The following PPP2R2B variants were observed in gnomAD, a reference collection of about 807,000 sequenced individuals.
PPP2R2B encodes the protein protein phosphatase 2 regulatory subunit Bbeta.
A neutral mutation model predicts 46.0 loss-of-function variants in PPP2R2B; 5 were observed. The observed-to-expected ratio is 0.11, with a 90% CI of 0.06 to 0.23. The LOEUF (loss-of-function observed/expected upper bound fraction) is 0.23, where lower values mean the gene tolerates loss of function less well. Among genes scored for constraint, PPP2R2B ranks in the 10% least tolerant of loss-of-function variants. The probability of loss-of-function intolerance (pLI) is 1.00; values close to 1 mark genes in which losing one functional copy is unlikely to be tolerated. For synonymous variants in PPP2R2B, 215 were observed against 206.7 expected, an observed-to-expected ratio of 1.04 and a Z score of -0.34; for missense variants, 367 against 575.0, an observed-to-expected ratio of 0.64 and a Z score of 3.70.
chr5:146,883,117 T>G (rs897975433), upstream of PPP2R2B, among the ~76,000 whole-genome samples: 1 of 152,222 alleles, frequency 6.6e-6, no homozygotes, highest in Non-Finnish European at 1.5e-5. Flanking sequence ...AATAGAGGCT[T>G]TAGGTGTCAG....
intron 2 of PPP2R2B, among the ~76,000 whole-genome samples, chr5:146,780,839 G>C (rs1334265173): frequency 6.6e-6 from 1 of 151,886 alleles, no homozygotes; most frequent in East Asian, 1.9e-4. Context: ...TGGTATTTGT[G>C]TCATTTGATC....
chr5:146,661,108 C>G (rs903332647), intron 5 of PPP2R2B, among the ~76,000 whole-genome samples: 1 of 152,172 alleles, frequency 6.6e-6, no homozygotes, highest in Non-Finnish European at 1.5e-5. Flanking sequence ...CAGTGTTTCT[C>G]AATTAGGAGC....
intron 2 of PPP2R2B, among the ~76,000 whole-genome samples, chr5:146,824,849 C>T (rs979613055): frequency 1.3e-5 from 2 of 151,278 alleles, no homozygotes; most frequent in African/African-American, 4.9e-5. Context: ...TCCTGAGTAG[C>T]TGGGATTACA....
At chr5:147,025,114 T>G (rs1327341580) in intron 1 of PPP2R2B, among the ~76,000 whole-genome samples, 1 of 152,086 alleles carries the variant, frequency 6.6e-6, no homozygotes, top group Non-Finnish European at 1.5e-5. Flanking sequence ...TTATAGGTCT[T>G]ACAGACTTTA....
In PPP2R2B at chr5:146,580,990, T is replaced by C. The variant is rs920813400; in HGVS notation, c.*8957A>G. Among the ~76,000 whole-genome samples the C allele has an allele frequency of 6.6e-6, 1 of 152,192 alleles. No homozygotes were observed. Among genetic ancestry groups the C allele is most frequent in the Non-Finnish European group, 1.5e-5 (1 of 68,040 alleles). ...TGAGCTGAACTTTCTTGTTCCATGATGGATACTTTCTCGGTTTCTATGATA... is the reference window on the plus strand; with the variant it reads ...TGAGCTGAACTTTCTTGTTCCATGACGGATACTTTCTCGGTTTCTATGATA... On this transcript the variant is annotated 3_prime_UTR_variant, in exon 10 of 10. Transcript: ENST00000394411.
intron 4 of PPP2R2B, among the ~76,000 whole-genome samples, chr5:146,695,441 T>C (rs1779123647): frequency 6.6e-6 from 1 of 152,180 alleles, no homozygotes; most frequent in Non-Finnish European, 1.5e-5. Context: ...GATTCACAAT[T>C]GAATGTTGGT....
intron 2 of PPP2R2B, among the ~76,000 whole-genome samples, chr5:146,725,800 T>C (rs944406998): frequency 5.9e-5 from 9 of 152,234 alleles, no homozygotes; most frequent in Admixed American, 5.2e-4. Flanking sequence ...ATTTATCACA[T>C]GTACTTACTA....
In PPP2R2B at chr5:146,672,941, A is replaced by G. The variant is rs149884226; in HGVS notation, c.447+18187T>C. ...AACCCAGATCCTGAGATATGACACC[A>G]AATATAGGGAGGCATTTTTATTTTT... is the stretch of plus-strand genomic sequence containing the variant. On this transcript the variant is annotated intron_variant, in intron 5 of 9. Coordinates refer to ENST00000394411, the MANE Select transcript of PPP2R2B (RefSeq NM_181675.4). 9.8e-3 allele frequency among the ~76,000 whole-genome samples: 1,492 copies of G among 152,280 alleles called. 22 individuals carry two copies. Among genetic ancestry groups the G allele is most frequent in the African/African-American group, 0.033 (1,386 of 41,554 alleles).
At chr5:146,946,885 TG>T (rs374558581) in intron 1 of PPP2R2B, among the ~76,000 whole-genome samples, 25 of 151,830 alleles carry the variant, frequency 1.6e-4, no homozygotes, top group African/African-American at 6.0e-4. Flanking sequence ...GGGGTAGGGG[TG>T]GGGGTATCCG....
chr5:146,922,991 A>C (rs1763658478), intron 1 of PPP2R2B, among the ~76,000 whole-genome samples: 1 of 152,234 alleles, frequency 6.6e-6, no homozygotes, highest in Admixed American at 6.5e-5. Context: ...GGAGTAAGCG[A>C]GATGTCATAG....
At chr5:146,803,027 C>T (rs1412192321) in intron 2 of PPP2R2B, among the ~76,000 whole-genome samples, 2 of 152,154 alleles carry the variant, frequency 1.3e-5, no homozygotes, top group African/African-American at 2.4e-5. Context: ...AAGCAGGATA[C>T]ACAGGGACAA....
intron 1 of PPP2R2B, among the ~76,000 whole-genome samples, chr5:146,931,193 A>G (rs186339506): frequency 6.6e-6 from 1 of 152,282 alleles, no homozygotes; most frequent in African/African-American, 2.4e-5. Context: ...ACCTTCCGCA[A>G]TAATACATTG....
At chr5:146,726,968 G>A (rs771522739) in intron 2 of PPP2R2B, among the ~76,000 whole-genome samples, 4 of 152,134 alleles carry the variant, frequency 2.6e-5, no homozygotes, top group African/African-American at 9.7e-5. Flanking sequence ...TCAAGGAGGC[G>A]TTTCCATAAG....
At chr5:146,841,020 A>G (rs1267941224) in intron 2 of PPP2R2B, among the ~76,000 whole-genome samples, 1 of 152,190 alleles carries the variant, frequency 6.6e-6, no homozygotes, top group African/African-American at 2.4e-5. Flanking sequence ...ATTTTGAACT[A>G]GAGTCTCTAA....
chr5:146,903,597 C>T, intron 1 of PPP2R2B, among the ~76,000 whole-genome samples: 1 of 151,920 alleles, frequency 6.6e-6, no homozygotes, highest in Admixed American at 6.6e-5. Flanking sequence ...GGGGTTTCGC[C>T]ATGTTGCCTG....
chr5:146,739,088 C>T (rs10302811), intron 2 of PPP2R2B, among the ~76,000 whole-genome samples: 92,111 of 151,798 alleles, frequency 0.61, 29,733 homozygotes, highest in Non-Finnish European at 0.71. Flanking sequence ...GGTGTGATCA[C>T]GGCTCACAGC....
At chr5:146,692,527 ATTT>A (rs34156552) in intron 4 of PPP2R2B, among the ~76,000 whole-genome samples, 169 of 111,046 alleles carry the variant, frequency 1.5e-3, no homozygotes, top group African/African-American at 5.6e-3. Flanking sequence ...TTTTAATTCA[ATTT>A]TTTTTTTTTT....
At chr5:146,691,267 G>A in intron 4 of PPP2R2B, 27 bp from the exon 5 acceptor site, 1 of 1,595,598 alleles carries the variant, frequency 6.3e-7, no homozygotes, top group African/African-American at 1.3e-5. Context: ...GATTAAGTCA[G>A]AATTATAGTG....
chr5:147,000,996 G>A (rs1435887310), intron 1 of PPP2R2B, among the ~76,000 whole-genome samples: 1 of 152,164 alleles, frequency 6.6e-6, no homozygotes, highest in Non-Finnish European at 1.5e-5. Context: ...AAGAGTTAGT[G>A]AGAGATGAAG....
Sources: allele counts gnomAD v4.1 joint callset (sites outside exome capture counted in the v4.1 genomes callset), GRCh38; gene constraint gnomAD v4.1.1; transcripts MANE v1.5; gene names NCBI Gene and HGNC (gene_info 2026-07-23, HGNC 2026-07-21).